RGSL1: variants seen among roughly 807,000 people sequenced by gnomAD.
RGSL1 encodes the protein regulator of G protein signaling protein-like.
RGSL1 carries 97 observed loss-of-function variants against 124.7 expected under a neutral mutation model. That is an observed-to-expected ratio of 0.78 (90% CI 0.66 to 0.92). The LOEUF is 0.92. RGSL1 is among the 40% of genes least tolerant of loss of function. The pLI, the probability that RGSL1 is intolerant of heterozygous loss-of-function variation, is 0.00. For missense variants in RGSL1, 1,233 were observed against 1,288.4 expected, an observed-to-expected ratio of 0.96 and a Z score of 0.66; for synonymous variants, 424 against 438.1, an observed-to-expected ratio of 0.97 and a Z score of 0.40.
chr1:182,510,382 G>T lies in RGSL1; in HGVS notation c.1826-11622G>T, dbSNP rs1406908290. On this transcript the variant is annotated intron_variant, in intron 9 of 21. Transcript: ENST00000294854. ...AGATCACGCCACTGCACTCCAGCCT[G>T]GGCACCATTGAGCACTGAGTGAACG... Among the ~76,000 whole-genome samples the T allele has an allele frequency of 5.1e-5, 2 of 38,990 alleles. 1 individual carries two copies. The highest frequency in any genetic ancestry group is 4.1e-4 in the Admixed American group (2 of 4,868). 25.6% of individuals were successfully genotyped at this position (38,990 alleles called of 152,430 possible).
At chr1:182,555,039 A>G (rs1459236088) in intron 20 of RGSL1, 4 of 253,162 alleles carry the variant, frequency 1.6e-5, no homozygotes, top group Non-Finnish European at 3.1e-5. Context: ...TTACATGGAT[A>G]TATTGGGAGG....
chr1:182,512,267 CTCTG>C (rs1483048752), intron 9 of RGSL1, among the ~76,000 whole-genome samples: 1 of 152,074 alleles, frequency 6.6e-6, no homozygotes, highest in African/African-American at 2.4e-5. Context: ...TATAGTGACT[CTCTG>C]TCTCTTTTTA....
chr1:182,515,286 TG>T (rs1657778955), intron 9 of RGSL1, among the ~76,000 whole-genome samples: 1 of 152,194 alleles, frequency 6.6e-6, no homozygotes, highest in African/African-American at 2.4e-5. Flanking sequence ...CGACAGGAAT[TG>T]GTCCTGCGCA....
At chr1:182,554,470 A>G (rs1313716570) in intron 19 of RGSL1, among the ~76,000 whole-genome samples, 157 bp from the exon 20 acceptor site, 3 of 152,216 alleles carry the variant, frequency 2.0e-5, no homozygotes, top group African/African-American at 4.8e-5. Flanking sequence ...TCTCCTGAAT[A>G]TCCCTGGAAC....
At chr1:182,550,945 G>A (rs1379451957) in intron 17 of RGSL1, 155 bp from the exon 18 acceptor site, 1 of 614,646 alleles carries the variant, frequency 1.6e-6, no homozygotes, top group Non-Finnish European at 2.9e-6. Flanking sequence ...AAAGGCCACT[G>A]GCAGGTAGAA....
intron 13 of RGSL1, among the ~76,000 whole-genome samples, chr1:182,532,028 ATGT>A (rs1238198853): frequency 5.9e-5 from 9 of 152,152 alleles, no homozygotes; most frequent in African/African-American, 1.9e-4. Context: ...AGCGAGGCTT[ATGT>A]TGTTTCCCTC....
At chr1:182,509,930 T>G in intron 9 of RGSL1, among the ~76,000 whole-genome samples, 1 of 135,446 alleles carries the variant, frequency 7.4e-6, no homozygotes. Flanking sequence ...GACGGGGTGG[T>G]TGCCAGGCAG....
chr1:182,519,561 G>A (rs1658172807), intron 9 of RGSL1, among the ~76,000 whole-genome samples: 1 of 151,616 alleles, frequency 6.6e-6, no homozygotes, highest in Admixed American at 6.6e-5. Context: ...ACTATAATAT[G>A]CCTCAGGTTT....
chr1:182,501,043 G>A (rs1203083347), intron 9 of RGSL1, among the ~76,000 whole-genome samples: 1 of 152,074 alleles, frequency 6.6e-6, no homozygotes, highest in African/African-American at 2.4e-5. Context: ...TAAAAACAGT[G>A]AAAGAAGGCA....
At chr1:182,548,246 A>C in intron 15 of RGSL1, 71 bp from the exon 16 acceptor site, 2 of 1,514,406 alleles carry the variant, frequency 1.3e-6, no homozygotes, top group Non-Finnish European at 1.8e-6. Context: ...AAATGAGTCT[A>C]GGCTGGGTGC....
chr1:182,521,865 A>T, intron 9 of RGSL1, 139 bp from the exon 10 acceptor site: 1 of 604,894 alleles, frequency 1.7e-6, no homozygotes, highest in Non-Finnish European at 2.9e-6. Flanking sequence ...ACACTAGATG[A>T]ACTTAACCTG....
intron 9 of RGSL1, among the ~76,000 whole-genome samples, chr1:182,499,966 A>G (rs768663567): frequency 4.6e-5 from 7 of 151,998 alleles, no homozygotes; most frequent in African/African-American, 7.3e-5. Flanking sequence ...TGTGGGCTGT[A>G]TTTTCACTAT....
At chr1:182,533,383 A>C (rs931487001) in intron 14 of RGSL1, among the ~76,000 whole-genome samples, 2 of 150,812 alleles carry the variant, frequency 1.3e-5, no homozygotes, top group Non-Finnish European at 2.9e-5. Flanking sequence ...TGACTGCCAT[A>C]AAATGTCCAT....
At chr1:182,492,732 C>T (rs1260413750) in intron 8 of RGSL1, among the ~76,000 whole-genome samples, 2 of 151,782 alleles carry the variant, frequency 1.3e-5, no homozygotes, top group Non-Finnish European at 2.9e-5. Flanking sequence ...AGGTTCACAC[C>T]ATTCTCCTGC....
intron 14 of RGSL1, among the ~76,000 whole-genome samples, chr1:182,539,350 G>A (rs1268863275): frequency 6.6e-6 from 1 of 152,108 alleles, no homozygotes; most frequent in African/African-American, 2.4e-5. Flanking sequence ...GTCTTATTCA[G>A]TATGGTAACC....
chr1:182,480,745 C>T (rs904176308), intron 6 of RGSL1, among the ~76,000 whole-genome samples: 4 of 152,134 alleles, frequency 2.6e-5, no homozygotes, highest in African/African-American at 7.2e-5. Flanking sequence ...CGTGAGCCAC[C>T]ACGCTTGGCC....
chr1:182,559,153 GA>G (rs1399094454), intron 21 of RGSL1, among the ~76,000 whole-genome samples: 1 of 151,990 alleles, frequency 6.6e-6, no homozygotes, highest in East Asian at 1.9e-4. Flanking sequence ...CTCTCCTGTT[GA>G]ACTTACCTTC....
At chr1:182,501,625 T>A (rs1046612722) in intron 9 of RGSL1, among the ~76,000 whole-genome samples, 1 of 152,100 alleles carries the variant, frequency 6.6e-6, no homozygotes, top group Non-Finnish European at 1.5e-5. Context: ...CGCCTTGATG[T>A]GTAACCTCCT....
intron 20 of RGSL1, chr1:182,555,583 G>A (rs1660815365): frequency 6.1e-6 from 1 of 164,728 alleles, no homozygotes; most frequent in Non-Finnish European, 1.3e-5. Context: ...TAGGGCTCTG[G>A]GAGAATCCCC....
Sources: gnomAD v4.1 joint callset for allele counts (sites outside exome capture counted in the v4.1 genomes callset) on GRCh38, gnomAD v4.1.1 for gene constraint, MANE v1.5 for transcripts, NCBI Gene and HGNC (gene_info 2026-07-23, HGNC 2026-07-21) for gene names.